Variants in GABRB3 observed in about 807,000 individuals in gnomAD.
GABRB3 encodes the protein gamma-aminobutyric acid receptor subunit beta-3.
In GABRB3, 14 loss-of-function variants were observed where a neutral mutation model predicts 52.1. That is an observed-to-expected ratio of 0.27 (90% CI 0.18 to 0.42). The LOEUF is 0.42. GABRB3 is among the 10% of genes least tolerant of loss of function. The pLI, the probability that GABRB3 is intolerant of heterozygous loss-of-function variation, is 1.00. For missense variants in GABRB3, 307 were observed against 609.1 expected, an observed-to-expected ratio of 0.50 and a Z score of 5.22; for synonymous variants, 260 against 232.3, an observed-to-expected ratio of 1.12 and a Z score of -1.08.
intron 3 of GABRB3, among the ~76,000 whole-genome samples, chr15:26,626,817 G>C (rs1407187466): frequency 6.6e-6 from 1 of 152,228 alleles, no homozygotes; most frequent in African/African-American, 2.4e-5. Flanking sequence ...AGCAGCAAGT[G>C]CTGATGGAGA....
chr15:26,713,028 T>C (rs1347720535), intron 3 of GABRB3, among the ~76,000 whole-genome samples: 2 of 151,878 alleles, frequency 1.3e-5, no homozygotes, highest in Non-Finnish European at 2.9e-5. Context: ...CATGGGGGAG[T>C]TCCAGGGTCA....
chr15:26,600,304 A>G (rs1891541937), intron 4 of GABRB3, among the ~76,000 whole-genome samples: 2 of 152,156 alleles, frequency 1.3e-5, no homozygotes. Context: ...AGAAGAGAAA[A>G]AAAAGCCAGA....
intron 4 of GABRB3, chr15:26,615,625 G>T: frequency 1.7e-6 from 1 of 602,194 alleles, no homozygotes; most frequent in Non-Finnish European, 2.2e-6. Flanking sequence ...ATAAGGCTGA[G>T]TTGACGTACA....
At chr15:26,660,988 G>T (rs1354300750) in intron 3 of GABRB3, among the ~76,000 whole-genome samples, 2 of 152,030 alleles carry the variant, frequency 1.3e-5, no homozygotes, top group Non-Finnish European at 2.9e-5. Flanking sequence ...GTCTCCTTAT[G>T]TTGCCCAGGC....
intron 3 of GABRB3, among the ~76,000 whole-genome samples, chr15:26,639,341 G>GAA (rs71420015): frequency 8.2e-4 from 103 of 126,078 alleles, no homozygotes; most frequent in Non-Finnish European, 9.2e-4. Flanking sequence ...GAAAATATTT[G>GAA]AAAAAAAAAA....
At chr15:26,675,860 A>G (rs1454768084) in intron 3 of GABRB3, among the ~76,000 whole-genome samples, 4 of 152,204 alleles carry the variant, frequency 2.6e-5, no homozygotes, top group African/African-American at 9.7e-5. Context: ...GATACCGAAG[A>G]CAGTCAGATA....
At chr15:26,726,064 G>C (rs1178782305) in intron 3 of GABRB3, among the ~76,000 whole-genome samples, 1 of 152,058 alleles carries the variant, frequency 6.6e-6, no homozygotes, top group African/African-American at 2.4e-5. Context: ...GGGTGTGCTG[G>C]GCATGCGCAC....
At chr15:26,711,026 A>G (rs1889276618) in intron 3 of GABRB3, among the ~76,000 whole-genome samples, 1 of 152,104 alleles carries the variant, frequency 6.6e-6, no homozygotes, top group Admixed American at 6.6e-5. Context: ...GTAGTCTGAA[A>G]ATACCTTATA....
chr15:26,586,681 C>A (rs1374777189), intron 4 of GABRB3, among the ~76,000 whole-genome samples: 2 of 48,544 alleles, frequency 4.1e-5, no homozygotes, highest in African/African-American at 5.3e-5. Flanking sequence ...AGTAAGACTC[C>A]ATCTCAAAAA....
chr15:26,674,451 G>GGAAAA, intron 3 of GABRB3, among the ~76,000 whole-genome samples: 1 of 107,836 alleles, frequency 9.3e-6, no homozygotes, highest in Admixed American at 1.1e-4. Context: ...GGAAAGGAAA[G>GGAAAA]GAAAAGAAAA....
intron 4 of GABRB3, chr15:26,590,357 T>C (rs959890055): frequency 3.9e-5 from 6 of 152,158 alleles, no homozygotes; most frequent in Non-Finnish European, 8.8e-5. Context: ...GAGAGTTGTA[T>C]TTGTGGCCAC....
At chr15:26,731,069 GCTCT>G (rs1399098182) in intron 3 of GABRB3, among the ~76,000 whole-genome samples, 9 of 104,444 alleles carry the variant, frequency 8.6e-5, no homozygotes, top group African/African-American at 5.6e-4. Flanking sequence ...ACTCGCTCTC[GCTCT>G]CTCTCTCTCT....
chr15:26,720,325 C>T (rs933049171), intron 3 of GABRB3, among the ~76,000 whole-genome samples: 8 of 152,252 alleles, frequency 5.3e-5, no homozygotes, highest in African/African-American at 1.7e-4. Context: ...TCTCTTCACA[C>T]GGACGTGAGT....
intron 3 of GABRB3, among the ~76,000 whole-genome samples, chr15:26,683,078 G>A (rs1417074378): frequency 1.3e-5 from 2 of 148,626 alleles, no homozygotes; most frequent in African/African-American, 2.4e-5. Flanking sequence ...AGACTCCCCA[G>A]GCCAGCCAGG....
chr15:26,545,787 T>C lies in GABRB3; in HGVS notation c.*2006A>G, dbSNP rs1889213404. 6.6e-6 allele frequency: 1 copy of C among 152,098 alleles called. No individual in the cohort carries two copies. The highest frequency in any genetic ancestry group is 6.6e-5 in the Admixed American group (1 of 15,250). The allele number at this position is 152,098 out of a possible 1,614,324, so 9.4% of individuals were successfully genotyped here. ...CAGAGAAAAGCCAAAGCCAAAGAAA[T>C]CCCTGGCTAGTCTCCAGATGAAAAT... On this transcript the variant is annotated 3_prime_UTR_variant, in exon 9 of 9. Coordinates refer to ENST00000311550, the MANE Select transcript of GABRB3 (RefSeq NM_000814.6).
chr15:26,547,659 T>C lies in GABRB3; in HGVS notation c.*134A>G. Reference sequence around the variant, plus strand: ...TATATATGCTGAGAAAGTTCACATATATATACAATTGCGTATGTATATATG... The same window carrying C: ...TATATATGCTGAGAAAGTTCACATACATATACAATTGCGTATGTATATATG... On this transcript the variant is annotated 3_prime_UTR_variant, in exon 9 of 9. Transcript: ENST00000311550. The C allele has an allele frequency of 2.9e-6, 2 of 687,358 alleles. No homozygotes were observed. Among genetic ancestry groups the C allele is most frequent in the Non-Finnish European group, 5.1e-6 (2 of 390,606 alleles). 42.6% of individuals were successfully genotyped at this position (687,358 alleles called of 1,614,324 possible).
rs2140643889 is a variant in GABRB3, at chr15:26,547,344, GTCTT to G, written c.*445_*448del. The G allele has an allele frequency of 2.4e-6, 1 of 410,426 alleles. No homozygotes were observed. Among genetic ancestry groups the G allele is most frequent in the Non-Finnish European group, 4.3e-6 (1 of 232,856 alleles). 25.4% of individuals were successfully genotyped at this position (410,426 alleles called of 1,614,324 possible). On this transcript the variant is annotated 3_prime_UTR_variant, in exon 9 of 9. Transcript: ENST00000311550. ...GAGTTTTCAAAGATTAACTAAGAAT[GTCTT>G]TCTGATTTTTAAACTAAAACATCTA...
upstream of GABRB3, among the ~76,000 whole-genome samples, chr15:26,773,478 C>T (rs1465792323): frequency 3.3e-5 from 5 of 151,772 alleles, no homozygotes; most frequent in East Asian, 7.8e-4. Flanking sequence ...TAAGCGGCGG[C>T]GGAAACGCTG....
chr15:26,677,302 C>G (rs1888100713), intron 3 of GABRB3, among the ~76,000 whole-genome samples: 1 of 152,202 alleles, frequency 6.6e-6, no homozygotes, highest in Non-Finnish European at 1.5e-5. Flanking sequence ...CAAACATGGA[C>G]TGTTTAAATG....
Sources: gnomAD v4.1 joint callset for allele counts (sites outside exome capture counted in the v4.1 genomes callset) on GRCh38, gnomAD v4.1.1 for gene constraint, MANE v1.5 for transcripts, NCBI Gene and HGNC (gene_info 2026-07-23, HGNC 2026-07-21) for gene names.